Variants in TET1 observed in about 807,000 individuals in gnomAD.
TET1 encodes tet methylcytosine dioxygenase 1.
Under a neutral mutation model 148.7 loss-of-function variants are expected in TET1, and 13 were observed. That is an observed-to-expected ratio of 0.09 (90% CI 0.06 to 0.14). TET1 has a LOEUF of 0.14. Among genes scored for constraint, TET1 ranks in the 10% least tolerant of loss-of-function variants. The probability of loss-of-function intolerance (pLI) is 1.00; values close to 1 mark genes in which losing one functional copy is unlikely to be tolerated. For missense variants in TET1, 2,182 were observed against 2,553.8 expected (o/e 0.85, Z 3.14); for synonymous variants, 907 against 937.2 (o/e 0.97, Z 0.59).
chr10:68,587,156 A>G (rs1249125210), intron 2 of TET1, among the ~76,000 whole-genome samples: 1 of 152,190 alleles, frequency 6.6e-6, no homozygotes, highest in Non-Finnish European at 1.5e-5. Flanking sequence ...TGCTTGTATA[A>G]TGAGAGGGTT....
At chr10:68,563,102 C>G (rs1001078630) in intron 1 of TET1, among the ~76,000 whole-genome samples, 1 of 152,024 alleles carries the variant, frequency 6.6e-6, no homozygotes, top group Non-Finnish European at 1.5e-5. Flanking sequence ...AAGGACAGTT[C>G]TATGTCCATT....
At chr10:68,582,582 C>A (rs900058240) in intron 2 of TET1, among the ~76,000 whole-genome samples, 3 of 152,098 alleles carry the variant, frequency 2.0e-5, no homozygotes, top group Non-Finnish European at 2.9e-5. Flanking sequence ...TATGTGCAGG[C>A]CTTTCCATGT....
At chr10:68,672,813 TAAAGCTATAGAAACCTGA>T (rs1181521955) in intron 7 of TET1, 64 bp from the exon 8 acceptor site, 43 of 1,273,066 alleles carry the variant, frequency 3.4e-5, no homozygotes, top group Non-Finnish European at 4.4e-5. Context: ...TCCATCCTTC[TAAAGCTATAGAAACCTGA>T]AATGTTCTCT....
At chr10:68,608,378 G>A (rs1213570738) in intron 3 of TET1, among the ~76,000 whole-genome samples, 1 of 151,614 alleles carries the variant, frequency 6.6e-6, no homozygotes, top group African/African-American at 2.4e-5. Flanking sequence ...TGGGATTACA[G>A]GCGTCCGCCA....
intron 11 of TET1, among the ~76,000 whole-genome samples, chr10:68,686,948 C>T (rs945332163): frequency 2.7e-5 from 4 of 150,298 alleles, no homozygotes; most frequent in African/African-American, 4.9e-5. Context: ...AGTGCAGTGG[C>T]GCAATCTTGG....
chr10:68,633,883 GA>G (rs1245713368), intron 3 of TET1, among the ~76,000 whole-genome samples: 1 of 152,140 alleles, frequency 6.6e-6, no homozygotes, highest in East Asian at 1.9e-4. Flanking sequence ...TATTTGGAGG[GA>G]AAATGGACCA....
In TET1 at chr10:68,645,069, A is replaced by G; in HGVS notation, c.2340A>G (p.Glu780=). The part of the protein sequence containing the change: ...TNVSFKKFNI[E]EFGKTLENNS... The stretch of plus-strand genomic sequence containing the variant: ...TTTCATTTAAAAAATTCAATATTGA[A>G]GAATTCGGCAAGACATTGGAAAACA... The change falls in exon 4 of 12, where the codon GAA becomes GAG. Residue 780 remains glutamate (E), a synonymous_variant. Coordinates refer to ENST00000373644, the MANE Select transcript of TET1 (RefSeq NM_030625.3). 6.2e-7 allele frequency: 1 copy of G among 1,612,592 alleles called. No homozygotes were observed. Among genetic ancestry groups the G allele is most frequent in the Non-Finnish European group, 8.5e-7 (1 of 1,179,642 alleles).
intron 3 of TET1, among the ~76,000 whole-genome samples, chr10:68,617,802 T>C (rs992001056): frequency 4.6e-5 from 7 of 152,150 alleles, no homozygotes; most frequent in African/African-American, 1.7e-4. Flanking sequence ...CGCCTCGACC[T>C]CCCAATGTGC....
rs138243324 is a variant in TET1, at chr10:68,572,937, A to T, written c.599A>T (p.Lys200Met). The change falls in exon 2 of 12, where the codon AAG becomes ATG. Residue 200 changes from lysine (K) to methionine (M), a missense_variant. Around this residue, in one of 11 missense-constraint regions of TET1, gnomAD observed 665 missense variants for 672.4 expected, o/e 0.99. Coordinates refer to ENST00000373644, the MANE Select transcript of TET1 (RefSeq NM_030625.3). ...TGGTCCCAAAGAGTTGAGGATTCCA[A>T]GATCAATATCCCTACCCACAGTGGC... ...QFWSQRVEDSKINIPTHSGPA... is the reference protein window; with the variant it reads ...QFWSQRVEDSMINIPTHSGPA... 4.8e-5 allele frequency: 77 copies of T among 1,614,024 alleles called. No homozygotes were observed. Among genetic ancestry groups the T allele is most frequent in the Non-Finnish European group, 6.0e-5 (71 of 1,180,032 alleles).
chr10:68,687,078 G>A (rs2055523055), intron 11 of TET1, among the ~76,000 whole-genome samples: 1 of 151,704 alleles, frequency 6.6e-6, no homozygotes, highest in African/African-American at 2.4e-5. Flanking sequence ...TAGTAGAGAC[G>A]GGGTTTCACC....
chr10:68,624,612 CT>C (rs1005254649), intron 3 of TET1, among the ~76,000 whole-genome samples: 1 of 26,528 alleles, frequency 3.8e-5, no homozygotes, highest in African/African-American at 2.2e-4. Context: ...CTCTTTCTTT[CT>C]TTCTTTCTTT....
At chr10:68,599,020 TGTGGGTGAGGG>T (rs773188087) in intron 2 of TET1, among the ~76,000 whole-genome samples, 44 of 151,956 alleles carry the variant, frequency 2.9e-4, no homozygotes, top group South Asian at 1.0e-3. Context: ...TTGTTAAAAA[TGTGGGTGAGGG>T]GTGGGTGAGT....
chr10:68,693,712 A>G lies in TET1; in HGVS notation c.*1898A>G, dbSNP rs1398046869. The G allele has an allele frequency of 4.3e-6, 1 of 231,630 alleles. No homozygotes were observed. The highest frequency in any genetic ancestry group is 2.2e-5 in the African/African-American group (1 of 45,300). 14.3% of individuals were successfully genotyped at this position (231,630 alleles called of 1,614,324 possible). ...TAAGGTTTCTTATATACATATAAGT[A>G]TATAAATAAGTGATTGTTTATTGCT... On this transcript the variant is annotated 3_prime_UTR_variant, in exon 12 of 12. Coordinates refer to ENST00000373644, the MANE Select transcript of TET1 (RefSeq NM_030625.3).
At position 68,691,059 on chromosome 10, in the gene TET1, G is replaced by C. The variant is rs773405384; in HGVS notation, c.5656G>C (p.Gly1886Arg). 6.2e-7 allele frequency: 1 copy of C among 1,614,072 alleles called. No homozygotes were observed. The highest frequency in any genetic ancestry group is 1.3e-5 in the African/African-American group (1 of 74,914). ...CACTCCCCACTGTACGATGCCTTCG[G>C]GAAGACTCAGTGGTGCCAATGCAGC... ...SSTPHCTMPS[G>R]RLSGANAAAA... Residue 1886 changes from glycine to arginine, a missense_variant, in exon 12 of 12, where the codon GGA becomes CGA. Physicochemically the swap from Gly to Arg is moderately radical, Grantham distance 125. Around this residue, in one of 11 missense-constraint regions of TET1, gnomAD observed 380 missense variants for 387.9 expected, o/e 0.98. Transcript: ENST00000373644. This position sits in a 1 kb window ranked among gnomAD's most constrained non-coding sequence, Gnocchi z 4.4.
chr10:68,611,157 G>T (rs1199392490), intron 3 of TET1, among the ~76,000 whole-genome samples: 15 of 152,022 alleles, frequency 9.9e-5, no homozygotes, highest in Admixed American at 3.3e-4. Flanking sequence ...CAGACATGGT[G>T]GCGGGCACCT....
intron 8 of TET1, among the ~76,000 whole-genome samples, chr10:68,677,263 CA>C (rs2055374342): frequency 6.6e-6 from 1 of 152,118 alleles, no homozygotes. Flanking sequence ...GGCAGTTTTG[CA>C]AAGTGTATCA....
At chr10:68,575,519 G>A (rs1326531369) in intron 2 of TET1, among the ~76,000 whole-genome samples, 2 of 151,868 alleles carry the variant, frequency 1.3e-5, no homozygotes, top group Non-Finnish European at 2.9e-5. Flanking sequence ...AGACCAACAT[G>A]GGGTGAAACC....
chr10:68,622,091 T>G (rs34182845), intron 3 of TET1, among the ~76,000 whole-genome samples: 70,353 of 151,866 alleles, frequency 0.46, 17,518 homozygotes, highest in Non-Finnish European at 0.55. Flanking sequence ...ATGTTAAAGA[T>G]GTAACTCAAA....
At chr10:68,662,526 T>A (rs937024035) in intron 6 of TET1, among the ~76,000 whole-genome samples, 13 of 152,058 alleles carry the variant, frequency 8.5e-5, no homozygotes, top group African/African-American at 3.1e-4. Flanking sequence ...AGCCTTTTTT[T>A]AGGTTATCTT....
Sources: allele counts gnomAD v4.1 joint callset (sites outside exome capture counted in the v4.1 genomes callset), GRCh38; gene constraint gnomAD v4.1.1; regional missense constraint gnomAD v4.1.1; non-coding constraint Gnocchi (gnomAD v3.1); transcripts MANE v1.5; gene names NCBI Gene and HGNC (gene_info 2026-07-23, HGNC 2026-07-21).